Variants in SLC45A2 observed in about 807,000 individuals in gnomAD.
SLC45A2 encodes membrane-associated transporter protein.
A neutral mutation model predicts 45.5 loss-of-function variants in SLC45A2; 36 were observed. The ratio of observed to expected loss-of-function variants is 0.79; its 90% confidence interval spans 0.61 to 1.04. The LOEUF (loss-of-function observed/expected upper bound fraction) is 1.04. Among genes scored for constraint, SLC45A2 ranks in the 50% least tolerant of loss-of-function variants. The pLI is 0.00. For missense variants in SLC45A2, 719 were observed against 671.0 expected (o/e 1.07, Z -0.79); for synonymous variants, 306 against 269.3 (o/e 1.14, Z -1.33).
At chr5:33,968,208 GCTT>G (rs1752661073) in intron 2 of SLC45A2, among the ~76,000 whole-genome samples, 1 of 152,144 alleles carries the variant, frequency 6.6e-6, no homozygotes, top group Admixed American at 6.5e-5. Context: ...CCTTTCTTTT[GCTT>G]CTTCTTCTTA....
intron 2 of SLC45A2, among the ~76,000 whole-genome samples, chr5:33,965,235 A>G (rs1043220029): frequency 2.0e-5 from 3 of 152,252 alleles, no homozygotes; most frequent in African/African-American, 7.2e-5. Context: ...GGAAGAAAAT[A>G]GAACTAAAGG....
chr5:33,976,503 G>A (rs1484833863), intron 2 of SLC45A2, among the ~76,000 whole-genome samples: 1 of 152,194 alleles, frequency 6.6e-6, no homozygotes, highest in African/African-American at 2.4e-5. Context: ...AAGCTGGGAG[G>A]TGGTAAAATG....
chr5:33,945,775 G>T, intron 6 of SLC45A2: 1 of 203,692 alleles, frequency 4.9e-6, no homozygotes, highest in Non-Finnish European at 8.7e-6. Context: ...GAGCTTAAAT[G>T]ATGATTTCCT....
At chr5:33,979,334 T>C (rs191082443) in intron 2 of SLC45A2, among the ~76,000 whole-genome samples, 19 of 152,318 alleles carry the variant, frequency 1.2e-4, no homozygotes, top group Admixed American at 3.9e-4. Flanking sequence ...TTGGAAGCAA[T>C]AGAAGAGAGC....
At chr5:33,978,543 A>G (rs1364828261) in intron 2 of SLC45A2, among the ~76,000 whole-genome samples, 1 of 152,050 alleles carries the variant, frequency 6.6e-6, no homozygotes, top group African/African-American at 2.4e-5. Context: ...GGCTTCCACA[A>G]TCCTCCTTAA....
chr5:33,954,102 T>A (rs561694441), intron 4 of SLC45A2, among the ~76,000 whole-genome samples: 1 of 151,980 alleles, frequency 6.6e-6, no homozygotes, highest in African/African-American at 2.4e-5. Context: ...CTCCCACACA[T>A]TAATAATGGG....
intron 2 of SLC45A2, among the ~76,000 whole-genome samples, chr5:33,974,866 G>C (rs959882439): frequency 6.6e-6 from 1 of 152,064 alleles, no homozygotes; most frequent in Non-Finnish European, 1.5e-5. Flanking sequence ...AATTTCAGGA[G>C]TAAACATTAA....
intron 2 of SLC45A2, among the ~76,000 whole-genome samples, chr5:33,964,500 T>A (rs1752546863): frequency 6.6e-6 from 1 of 152,230 alleles, no homozygotes; most frequent in East Asian, 1.9e-4. Flanking sequence ...TTAAGCTTCC[T>A]GGGATGACGT....
intron 5 of SLC45A2, among the ~76,000 whole-genome samples, chr5:33,950,747 C>T (rs1255001017): frequency 6.6e-6 from 1 of 152,210 alleles, no homozygotes; most frequent in Non-Finnish European, 1.5e-5. Context: ...AAGCCCAGAG[C>T]CCTGAATTGG....
At chr5:33,964,085 C>T (rs1752531508) in intron 2 of SLC45A2, 69 bp from the exon 3 acceptor site, 1 of 1,520,330 alleles carries the variant, frequency 6.6e-7, no homozygotes, top group Non-Finnish European at 9.0e-7. Flanking sequence ...TGCATAGACA[C>T]TCCCCTTCAG....
At chr5:33,947,710 A>G (rs1049887257) in intron 5 of SLC45A2, among the ~76,000 whole-genome samples, 1 of 152,218 alleles carries the variant, frequency 6.6e-6, no homozygotes, top group African/African-American at 2.4e-5. Context: ...GGGCTTCAAG[A>G]AAAGTGTGGG....
intron 3 of SLC45A2, 110 bp downstream of exon 3, chr5:33,963,581 C>T (rs1329357898): frequency 2.5e-6 from 3 of 1,222,430 alleles, no homozygotes; most frequent in Non-Finnish European, 3.6e-6. Context: ...TCAGTTAGAC[C>T]CCATGAAACT....
intron 2 of SLC45A2, among the ~76,000 whole-genome samples, chr5:33,981,449 A>G (rs1753069278): frequency 1.3e-5 from 2 of 152,182 alleles, no homozygotes; most frequent in Admixed American, 1.3e-4. Flanking sequence ...TACAAAGACA[A>G]TCAAATAAGG....
intron 2 of SLC45A2, among the ~76,000 whole-genome samples, chr5:33,969,964 T>A (rs988004252): frequency 2.0e-5 from 3 of 152,212 alleles, no homozygotes; most frequent in African/African-American, 7.2e-5. Context: ...ACAGAACTAA[T>A]ATTTCCAGTT....
chr5:33,967,427 G>A (rs890600170), intron 2 of SLC45A2, among the ~76,000 whole-genome samples: 8 of 152,180 alleles, frequency 5.3e-5, no homozygotes, highest in African/African-American at 1.4e-4. Flanking sequence ...GATTCTGAAG[G>A]TCTAAGGTGG....
chr5:33,946,106 A>G, intron 6 of SLC45A2: 1 of 985,378 alleles, frequency 1.0e-6, no homozygotes, highest in Non-Finnish European at 1.2e-6. Flanking sequence ...GAGAGGCAGG[A>G]TTTGAATCCA....
intron 2 of SLC45A2, among the ~76,000 whole-genome samples, chr5:33,966,717 G>T (rs556983942): frequency 1.3e-5 from 2 of 152,146 alleles, no homozygotes; most frequent in Non-Finnish European, 2.9e-5. Flanking sequence ...AGGTGATGTC[G>T]ATTATTAGTA....
At chr5:33,960,460 G>T (rs1752418318) in intron 3 of SLC45A2, among the ~76,000 whole-genome samples, 1 of 152,130 alleles carries the variant, frequency 6.6e-6, no homozygotes, top group Non-Finnish European at 1.5e-5. Flanking sequence ...CATTTGCAGT[G>T]ACCTAGATGA....
chr5:33,980,505 T>C (rs964725599), intron 2 of SLC45A2, among the ~76,000 whole-genome samples: 3 of 152,154 alleles, frequency 2.0e-5, no homozygotes, highest in African/African-American at 4.8e-5. Flanking sequence ...ATTGTCAGGA[T>C]CGAGATAATG....
Sources: allele counts gnomAD v4.1 joint callset (sites outside exome capture counted in the v4.1 genomes callset), GRCh38; gene constraint gnomAD v4.1.1; transcripts MANE v1.5; gene names NCBI Gene and HGNC (gene_info 2026-07-23, HGNC 2026-07-21).